CUL7: variants seen among roughly 807,000 people sequenced by gnomAD.
The protein encoded by CUL7 is cullin 7, also known as cullin-7.
A neutral mutation model predicts 177.7 loss-of-function variants in CUL7; 96 were observed. The observed-to-expected ratio is 0.54, with a 90% CI of 0.46 to 0.64. CUL7 has a LOEUF of 0.64. Among genes scored for constraint, CUL7 ranks in the 30% least tolerant of loss-of-function variants. The pLI, the probability that CUL7 is intolerant of heterozygous loss-of-function variation, is 0.00. For synonymous variants in CUL7, 824 were observed against 890.2 expected (o/e 0.93, Z 1.32); for missense variants, 1,893 against 2,187.9 (o/e 0.87, Z 2.69).
intron 15 of CUL7, 26 bp from the exon 16 acceptor site, chr6:43,044,911 G>A (rs1763761107): frequency 6.2e-7 from 1 of 1,608,604 alleles, no homozygotes; most frequent in Admixed American, 1.7e-5. Context: ...GAGGAGGAAG[G>A]TGTCAGGGGC....
rs2150309161 is a variant in CUL7, at chr6:43,040,198, G to A, written c.4252C>T (p.Leu1418=). The change falls in exon 22 of 26, where the codon CTG becomes TTG. Residue 1418 remains leucine, a synonymous_variant. Transcript: ENST00000265348. The surrounding 1 kb of genome is among the most constrained non-coding windows in gnomAD (Gnocchi z 4.2). The part of the protein sequence containing the change: ...LNPRTCLPSY[L]RGTLNRYSNF... ...GAGTATCTGTTCAAAGTGCCCCTCA[G>A]GTAGGAGGGCAGGCAGGTTCTGGGG... The A allele has an allele frequency of 1.1e-5, 17 of 1,614,044 alleles. No individual in the cohort carries two copies. Among genetic ancestry groups the A allele is most frequent in the Non-Finnish European group, 1.4e-5 (17 of 1,179,918 alleles).
Position 43,052,019 on chromosome 6 carries a change from T to C in CUL7, c.580+190A>G. The C allele has an allele frequency of 9.1e-7, 1 of 1,095,108 alleles. No homozygotes were observed. The highest frequency in any genetic ancestry group is 1.3e-6 in the Non-Finnish European group (1 of 774,840). 67.8% of individuals were successfully genotyped at this position (1,095,108 alleles called of 1,614,324 possible). A position where few individuals can be genotyped will look rare whatever the true frequency, so the allele number is the denominator to read the frequency against. On this transcript the variant is annotated intron_variant, in intron 2 of 25. Coordinates refer to ENST00000265348, the MANE Select transcript of CUL7 (RefSeq NM_014780.5). This position sits in a 1 kb window ranked among gnomAD's most constrained non-coding sequence, Gnocchi z 4.5. ...TAATATGAGGTTCTTGAAGATAGTC[T>C]TTCCTCTTTTGGCAGATAACCCCCA...
Position 43,051,875 on chromosome 6 carries a change from C to A in CUL7, c.581-112G>T. On this transcript the variant is annotated intron_variant, in intron 2 of 25. Coordinates refer to ENST00000265348, the MANE Select transcript of CUL7 (RefSeq NM_014780.5). The surrounding 1 kb of genome is among the most constrained non-coding windows in gnomAD (Gnocchi z 5.0). ...TTTGCCACCACACAATGAGAAAGAACTGATTTGCTTCAAAAGCTAAAATTT... is the reference window on the plus strand; with the variant it reads ...TTTGCCACCACACAATGAGAAAGAAATGATTTGCTTCAAAAGCTAAAATTT... 7.1e-7 allele frequency: 1 copy of A among 1,402,994 alleles called. No homozygotes were observed. Among genetic ancestry groups the A allele is most frequent in the East Asian group, 2.3e-5 (1 of 43,918 alleles). The allele number at this position is 1,402,994 out of a possible 1,614,324, so 86.9% of individuals were successfully genotyped here. A position where few individuals can be genotyped will look rare whatever the true frequency, so the allele number is the denominator to read the frequency against.
Position 43,040,492 on chromosome 6 carries a change from CT to C in CUL7, c.4023+37del. 1 of 1,613,080 alleles carries C rather than the reference CT, an allele frequency of 6.2e-7. No homozygotes were observed. Among genetic ancestry groups the C allele is most frequent in the Non-Finnish European group, 8.5e-7 (1 of 1,180,008 alleles). ...AGTCTGCTCCACGCCCCTCTTCCCC[CT>C]ACCCTCTTATTTGCTTATCCCTTCC... On this transcript the variant is annotated intron_variant, in intron 21 of 25. Coordinates refer to ENST00000265348, the MANE Select transcript of CUL7 (RefSeq NM_014780.5). This position sits in a 1 kb window ranked among gnomAD's most constrained non-coding sequence, Gnocchi z 4.2.
rs528261488 is a variant in CUL7 at position 43,052,967 on chromosome 6, G to C, written c.-8-171C>G. 2.0e-4 allele frequency among the ~76,000 whole-genome samples: 31 copies of C among 152,330 alleles called. No individual in the cohort carries two copies. Among genetic ancestry groups the C allele is most frequent in the Non-Finnish European group, 3.8e-4 (26 of 68,028 alleles). On this transcript the variant is annotated intron_variant, in intron 1 of 25. Coordinates refer to ENST00000265348, the MANE Select transcript of CUL7 (RefSeq NM_014780.5). The surrounding 1 kb of genome is among the most constrained non-coding windows in gnomAD (Gnocchi z 4.5). ...CTGGGTGGGGGCAGGCCTAAGCAGA[G>C]AACACTGGGGTGTTTGTTGTGAAAG...
rs367854722 is a variant in CUL7, at chr6:43,044,890, G to A, written c.3039-5C>T. ...TGGCGCAGAGCACCGTTGAGTCTGG[G>A]GGTGAGAATGGAGGAGGAAGGTGTC... On this transcript the variant is annotated splice_polypyrimidine_tract_variant and splice_region_variant and intron_variant, in intron 15 of 25. Coordinates refer to ENST00000265348, the MANE Select transcript of CUL7 (RefSeq NM_014780.5). 16 of 1,612,434 alleles carry A rather than the reference G, an allele frequency of 9.9e-6. No homozygotes were observed. The East Asian group carries it at 2.5e-4, about 25-fold the overall frequency.
Position 43,051,468 on chromosome 6 carries a change from C to T in CUL7, c.733G>A (p.Val245Ile), listed in dbSNP as rs1764405594. 6.2e-7 allele frequency: 1 copy of T among 1,613,912 alleles called. No individual in the cohort carries two copies. The highest frequency in any genetic ancestry group is 1.3e-5 in the African/African-American group (1 of 74,910). ...MSFEGIQLPQ[V>I]PGRVLFSLVK... is the part of the protein sequence containing the mutation. Reference sequence around the variant, plus strand: ...AGGGAGAAGAGCACCCTTCCTGGGACCTGTGGGATACAACCTTTGGCCTAT... The same window carrying T: ...AGGGAGAAGAGCACCCTTCCTGGGATCTGTGGGATACAACCTTTGGCCTAT... The change falls in exon 4 of 26, where the codon GTC becomes ATC. Residue 245 changes from valine to isoleucine, a missense_variant and splice_region_variant. Physicochemically the swap from Val to Ile is conservative, Grantham distance 29. Coordinates refer to ENST00000265348, the MANE Select transcript of CUL7 (RefSeq NM_014780.5). The surrounding 1 kb of genome is among the most constrained non-coding windows in gnomAD (Gnocchi z 5.0).
Position 43,051,179 on chromosome 6 carries a change from C to G in CUL7, c.1022G>C (p.Gly341Ala), listed in dbSNP as rs1483576634. 20 of 1,614,206 alleles carry G rather than the reference C, an allele frequency of 1.2e-5. No homozygotes were observed. The highest frequency in any genetic ancestry group is 1.6e-5 in the Non-Finnish European group (19 of 1,180,040). Residue 341 changes from glycine (G) to alanine (A), a missense_variant, in exon 4 of 26, where the codon GGG (glycine) becomes GCG (alanine). By Grantham distance (60) the Gly-to-Ala change is moderately conservative (BLOSUM62 0). Transcript: ENST00000265348. The surrounding 1 kb of genome is among the most constrained non-coding windows in gnomAD (Gnocchi z 5.0). ...GGGCTGAGCCTGGGCAGCGGGGAGC[C>G]CTGGGCTCACATCTGCCAGCTGAGG... ...FQPQLADVSP[G>A]LPAAQAQPSF...
At chr6:43,049,278 TTCTC>T (rs902663143) in intron 7 of CUL7, 125 bp downstream of exon 7, 17 of 1,204,520 alleles carry the variant, frequency 1.4e-5, no homozygotes, top group East Asian at 7.0e-5. Context: ...CGTTTGTTGC[TTCTC>T]TCTAAGTTGC....
At position 43,045,340 on chromosome 6, in the gene CUL7, T is replaced by G. The variant is rs200145973; in HGVS notation, c.2925A>C (p.Pro975=). The G allele has an allele frequency of 6.2e-7, 1 of 1,614,206 alleles. No individual in the cohort carries two copies. The highest frequency in any genetic ancestry group is 1.7e-5 in the Admixed American group (1 of 60,022). ...GACGACAGAGCTGCTCCCGGAACAC[T>G]GGCCAGAACGTGGGCTTGGGGCCTA... ...EILGPKPTFW[P]VFREQLCRHT... is the part of the protein sequence containing the mutation. The change falls in exon 15 of 26, where the codon CCA becomes CCC. Residue 975 remains proline (P), a synonymous_variant. Transcript: ENST00000265348. This position sits in a 1 kb window ranked among gnomAD's most constrained non-coding sequence, Gnocchi z 4.8.
Position 43,043,459 on chromosome 6 carries a change from G to A in CUL7, c.3344C>T (p.Thr1115Ile). 1 of 1,613,972 alleles carries A rather than the reference G, an allele frequency of 6.2e-7. No individual in the cohort carries two copies. Among genetic ancestry groups the A allele is most frequent in the Non-Finnish European group, 8.5e-7 (1 of 1,179,896 alleles). Residue 1115 changes from threonine (T) to isoleucine (I), a missense_variant, in exon 17 of 26, where the codon ACT (threonine) becomes ATT (isoleucine). This residue lies in a region of CUL7 where 973 missense variants were observed against 1,140.9 expected (regional missense o/e 0.85). Coordinates refer to ENST00000265348, the MANE Select transcript of CUL7 (RefSeq NM_014780.5). The surrounding 1 kb of genome is among the most constrained non-coding windows in gnomAD (Gnocchi z 4.2). ...TCTCCACTACTCACTGGGCCGAGGA[G>A]TGGCCACCACAGGAGGGGGTGCCTC... ...PCEAPPPVVA[T>I]PRPKGRNRSH...
chr6:43,044,454 A>C (rs1165307087), intron 16 of CUL7, among the ~76,000 whole-genome samples: 1 of 152,024 alleles, frequency 6.6e-6, no homozygotes, highest in African/African-American at 2.4e-5. Flanking sequence ...AGCCAAGATC[A>C]TGCCATTGCA....
At chr6:43,048,817 G>A (rs1764153813) in intron 7 of CUL7, among the ~76,000 whole-genome samples, 1 of 151,404 alleles carries the variant, frequency 6.6e-6, no homozygotes, top group Non-Finnish European at 1.5e-5. Flanking sequence ...ACCCAGGCTG[G>A]AGTGCAGTGG....
In CUL7 at chr6:43,052,120, A is replaced by T; in HGVS notation, c.580+89T>A. ...ACAGAATCATTTACGTACTGATGAG[A>T]TCAGAGGCTCCTGCCACAGTGTCCT... On this transcript the variant is annotated intron_variant, in intron 2 of 25. Transcript: ENST00000265348. This position sits in a 1 kb window ranked among gnomAD's most constrained non-coding sequence, Gnocchi z 4.5. 1 of 1,571,902 alleles carries T rather than the reference A, an allele frequency of 6.4e-7. No individual in the cohort carries two copies. The highest frequency in any genetic ancestry group is 8.6e-7 in the Non-Finnish European group (1 of 1,158,698).
Position 43,045,146 on chromosome 6 carries a change from C to T in CUL7, c.3038+81G>A. 6.5e-7 allele frequency: 1 copy of T among 1,529,860 alleles called. No homozygotes were observed. Among genetic ancestry groups the T allele is most frequent in the Non-Finnish European group, 8.9e-7 (1 of 1,126,100 alleles). The allele number at this position is 1,529,860 out of a possible 1,614,324, so 94.8% of individuals were successfully genotyped here. ...ATATTAAACCTCCATCTCACAGCTT[C>T]TATGGACCCCTGCCTGCCAGCTATT... On this transcript the variant is annotated intron_variant, in intron 15 of 25. Transcript: ENST00000265348. This position sits in a 1 kb window ranked among gnomAD's most constrained non-coding sequence, Gnocchi z 4.8.
chr6:43,047,525 C>T (rs1034789824), intron 9 of CUL7, among the ~76,000 whole-genome samples: 9 of 152,128 alleles, frequency 5.9e-5, no homozygotes, highest in African/African-American at 2.2e-4. Flanking sequence ...ACCCAATGAG[C>T]CTGCCTTAGA....
chr6:43,042,995 G>C lies in CUL7; in HGVS notation c.3463-11C>G. On this transcript the variant is annotated splice_polypyrimidine_tract_variant and intron_variant, in intron 18 of 25. Transcript: ENST00000265348. ...CAGAAAATTGTTCACCTGGAAGGAA[G>C]GGGCAGGAGCATGAAGACACAACCC... 1 of 1,614,154 alleles carries C rather than the reference G, an allele frequency of 6.2e-7. No homozygotes were observed. Among genetic ancestry groups the C allele is most frequent in the Non-Finnish European group, 8.5e-7 (1 of 1,180,028 alleles).
chr6:43,043,345 T>A lies in CUL7; in HGVS notation c.3355+103A>T, dbSNP rs1025147518. 2 of 1,280,872 alleles carry A rather than the reference T, an allele frequency of 1.6e-6. No homozygotes were observed. Among genetic ancestry groups the A allele is most frequent in the Admixed American group, 1.8e-5 (1 of 56,760 alleles). 79.3% of individuals were successfully genotyped at this position (1,280,872 alleles called of 1,614,324 possible). A position where few individuals can be genotyped will look rare whatever the true frequency, so the allele number is the denominator to read the frequency against. On this transcript the variant is annotated intron_variant, in intron 17 of 25. Coordinates refer to ENST00000265348, the MANE Select transcript of CUL7 (RefSeq NM_014780.5). This position sits in a 1 kb window ranked among gnomAD's most constrained non-coding sequence, Gnocchi z 4.2. The stretch of plus-strand genomic sequence containing the variant: ...CTGGAAGATGAACAGGCTGAGCCCA[T>A]AGGGAGGGGAAGGATGGGGATGGAC...
At position 43,040,851 on chromosome 6, in the gene CUL7, T is replaced by C; in HGVS notation, c.3806+64A>G. The C allele has an allele frequency of 1.2e-6, 2 of 1,602,462 alleles. No homozygotes were observed. Among genetic ancestry groups the C allele is most frequent in the Non-Finnish European group, 8.5e-7 (1 of 1,171,196 alleles). On this transcript the variant is annotated intron_variant, in intron 20 of 25. Coordinates refer to ENST00000265348, the MANE Select transcript of CUL7 (RefSeq NM_014780.5). This position sits in a 1 kb window ranked among gnomAD's most constrained non-coding sequence, Gnocchi z 4.2. ...CCTCTATCCCAGACTTCCAGGCCCA[T>C]GAGCTGGCTCTGCCACCATCATCCT...
Sources: allele counts gnomAD v4.1 joint callset (sites outside exome capture counted in the v4.1 genomes callset), GRCh38; gene constraint gnomAD v4.1.1; regional missense constraint gnomAD v4.1.1; non-coding constraint Gnocchi (gnomAD v3.1); transcripts MANE v1.5; gene names NCBI Gene and HGNC (gene_info 2026-07-23, HGNC 2026-07-21).